The following SIRT2 variants were observed in gnomAD, a reference collection of about 807,000 sequenced individuals.
SIRT2 encodes the protein sirtuin 2, also known as NAD-dependent protein deacetylase sirtuin-2.
Under a neutral mutation model 57.4 loss-of-function variants are expected in SIRT2, and 40 were observed. The observed-to-expected ratio is 0.70, with a 90% CI of 0.54 to 0.91. The LOEUF is 0.91. Ranked by LOEUF, SIRT2 falls within the 40% of genes least tolerant of loss-of-function variation. The probability of loss-of-function intolerance (pLI) is 0.00; values close to 1 mark genes in which losing one functional copy is unlikely to be tolerated. For missense variants in SIRT2, 439 were observed against 510.4 expected, an observed-to-expected ratio of 0.86 and a Z score of 1.35; for synonymous variants, 161 against 195.7, an observed-to-expected ratio of 0.82 and a Z score of 1.48.
intron 2 of SIRT2, among the ~76,000 whole-genome samples, chr19:38,895,116 G>A (rs1370268880): frequency 6.7e-6 from 1 of 148,844 alleles, no homozygotes; most frequent in Non-Finnish European, 1.5e-5. Flanking sequence ...GAGCATGTAC[G>A]CTGAGCCTCC....
intron 2 of SIRT2, among the ~76,000 whole-genome samples, chr19:38,897,160 AG>A (rs1302621199): frequency 6.6e-6 from 1 of 152,212 alleles, no homozygotes; most frequent in Admixed American, 6.5e-5. Flanking sequence ...CAGGGATGCC[AG>A]GAAGATGAAA....
Position 38,883,692 on chromosome 19 carries a change from G to C in SIRT2, c.566C>G (p.Thr189Ser). 6.2e-7 allele frequency: 1 copy of C among 1,614,090 alleles called. No homozygotes were observed. The highest frequency in any genetic ancestry group is 8.5e-7 in the Non-Finnish European group (1 of 1,179,990). ...EQEDLVEAHGTFYTSHCVSAS... is the reference protein window; with the variant it reads ...EQEDLVEAHGSFYTSHCVSAS... ...GCTGACGCAGTGTGATGTGTAGAAG[G>C]TGCCGTGCGCCTCCACCAAGTCCTC... The change falls in exon 9 of 16, where the codon ACC becomes AGC. Residue 189 changes from threonine to serine, a missense_variant. Physicochemically the swap from Thr to Ser is moderately conservative, Grantham distance 58. Transcript: ENST00000249396.
intron 2 of SIRT2, among the ~76,000 whole-genome samples, chr19:38,895,899 C>T (rs374616534): frequency 3.9e-5 from 6 of 152,044 alleles, no homozygotes; most frequent in South Asian, 2.1e-4. Flanking sequence ...GATGAAACCC[C>T]GTGTCTAATA....
intron 4 of SIRT2, chr19:38,891,815 G>A (rs1253335656): frequency 4.3e-6 from 2 of 463,938 alleles, no homozygotes; most frequent in African/African-American, 4.0e-5. Flanking sequence ...GGTGCAGGAG[G>A]ACACAAGGAA....
intron 9 of SIRT2, 79 bp from the exon 10 acceptor site, chr19:38,881,570 C>G (rs1039735843): frequency 1.8e-6 from 2 of 1,130,364 alleles, no homozygotes; most frequent in African/African-American, 3.1e-5. Flanking sequence ...ACCCCCACCC[C>G]TCTTCCACTG....
intron 8 of SIRT2, 118 bp downstream of exon 8, chr19:38,888,969 C>A: frequency 1.2e-6 from 1 of 855,856 alleles, no homozygotes; most frequent in Non-Finnish European, 1.9e-6. Context: ...CAAGCCCTGG[C>A]CCCGCATTGC....
At chr19:38,884,435 G>GGTTTGTTT (rs35505058) in intron 8 of SIRT2, among the ~76,000 whole-genome samples, 3 of 151,636 alleles carry the variant, frequency 2.0e-5, no homozygotes, top group African/African-American at 7.3e-5. Flanking sequence ...TACTAGGTGT[G>GGTTTGTTT]GTTTGTTTGT....
chr19:38,881,563 C>G (rs1319465690), intron 9 of SIRT2, 72 bp from the exon 10 acceptor site: 11 of 1,223,528 alleles, frequency 9.0e-6, no homozygotes, highest in Non-Finnish European at 1.3e-5. Flanking sequence ...GTGCAGCACC[C>G]CCACCCCTCT....
chr19:38,898,653 G>A, intron 1 of SIRT2: 1 of 382,026 alleles, frequency 2.6e-6, no homozygotes, highest in Non-Finnish European at 4.7e-6. Context: ...GGCTGGAGAG[G>A]AAGATTTAGG....
rs200012127 is a variant in SIRT2, at chr19:38,881,176, C to T, written c.692-21G>A. On this transcript the variant is annotated intron_variant, in intron 10 of 15. Coordinates refer to ENST00000249396, the MANE Select transcript of SIRT2 (RefSeq NM_012237.4). ...GATATCTGAGGTGGAGACAGATGGA[C>T]GGACAGAGACAGTGACATGGGGAGG... is the stretch of plus-strand genomic sequence containing the variant. 4.6e-5 allele frequency: 74 copies of T among 1,608,594 alleles called. No homozygotes were observed. In the Admixed American group the frequency reaches 1.1e-3, roughly 24 times the overall value.
At chr19:38,883,335 C>T (rs1302536905) in intron 9 of SIRT2, among the ~76,000 whole-genome samples, 1 of 152,002 alleles carries the variant, frequency 6.6e-6, no homozygotes, top group South Asian at 2.1e-4. Flanking sequence ...GTGATCTGCC[C>T]GCCTTGGCCT....
rs1409372343 is a variant in SIRT2 at position 38,890,107 on chromosome 19, G to A, written c.264C>T (p.Ser88=). Residue 88 remains serine, a synonymous_variant, in exon 5 of 16, where the codon TCC becomes TCT. Coordinates refer to ENST00000249396, the MANE Select transcript of SIRT2 (RefSeq NM_012237.4). The stretch of plus-strand genomic sequence containing the variant: ...TGGGGGAGAAGGGTTACTTACATGT[G>A]GAGATTCCAGCTCCCACCAAACAGA... ...RVICLVGAGI[S]TSAGIPDFRS... The A allele has an allele frequency of 1.2e-6, 2 of 1,614,170 alleles. No homozygotes were observed. Among genetic ancestry groups the A allele is most frequent in the Non-Finnish European group, 1.7e-6 (2 of 1,180,020 alleles).
chr19:38,879,783 G>A (rs1435729910), intron 13 of SIRT2, 81 bp from the exon 14 acceptor site: 5 of 1,007,286 alleles, frequency 5.0e-6, no homozygotes, highest in African/African-American at 1.6e-5. Context: ...GGTGGCCTGG[G>A]TTTGTATCCT....
chr19:38,881,436 C>T lies in SIRT2; in HGVS notation c.687G>A (p.Lys229=). The T allele has an allele frequency of 6.2e-7, 1 of 1,614,058 alleles. No individual in the cohort carries two copies. Among genetic ancestry groups the T allele is most frequent in the South Asian group, 1.1e-5 (1 of 91,070 alleles). The stretch of plus-strand genomic sequence containing the variant: ...GGTCCCTGGCCAGAGGCTCACCAGG[C>T]TTCACCAGGCTCTGACAGTCTTCAC... ...PKCEDCQSLV[K]PDIVFFGESL... Residue 229 remains lysine, a synonymous_variant, in exon 10 of 16, where the codon AAG becomes AAA. Coordinates refer to ENST00000249396, the MANE Select transcript of SIRT2 (RefSeq NM_012237.4).
intron 8 of SIRT2, among the ~76,000 whole-genome samples, chr19:38,884,666 C>T (rs1479019742): frequency 6.6e-6 from 1 of 152,102 alleles, no homozygotes; most frequent in Non-Finnish European, 1.5e-5. Flanking sequence ...CTAGGCTGGT[C>T]TCGAACTCTG....
At chr19:38,897,162 G>A (rs1026095977) in intron 2 of SIRT2, among the ~76,000 whole-genome samples, 1 of 152,188 alleles carries the variant, frequency 6.6e-6, no homozygotes, top group Non-Finnish European at 1.5e-5. Context: ...GGGATGCCAG[G>A]AAGATGAAAT....
Position 38,893,397 on chromosome 19 carries a change from C to G in SIRT2, c.226+17G>C, listed in dbSNP as rs1247019134. 5.1e-6 allele frequency: 8 copies of G among 1,565,492 alleles called. No homozygotes were observed. Among genetic ancestry groups the G allele is most frequent in the African/African-American group, 1.4e-5 (1 of 73,910 alleles). On this transcript the variant is annotated intron_variant, in intron 4 of 15. Coordinates refer to ENST00000249396, the MANE Select transcript of SIRT2 (RefSeq NM_012237.4). ...CAGGAGCCAGGCAAAGTGGCCCAAT[C>G]CTGACAGGGGACTCACAGCGTTCGC...
intron 4 of SIRT2, among the ~76,000 whole-genome samples, chr19:38,891,273 G>T (rs1973525012): frequency 6.6e-6 from 1 of 152,228 alleles, no homozygotes; most frequent in South Asian, 2.1e-4. Context: ...TTAGGGCCGG[G>T]CCCGGTGGCT....
chr19:38,886,428 G>A (rs1275913444), intron 8 of SIRT2, among the ~76,000 whole-genome samples: 1 of 151,090 alleles, frequency 6.6e-6, no homozygotes, highest in Non-Finnish European at 1.5e-5. Flanking sequence ...ATACCTCTGC[G>A]TTCTGTTATT....
Sources: gnomAD v4.1 joint callset for allele counts (sites outside exome capture counted in the v4.1 genomes callset) on GRCh38, gnomAD v4.1.1 for gene constraint, MANE v1.5 for transcripts, NCBI Gene and HGNC (gene_info 2026-07-23, HGNC 2026-07-21) for gene names.